Variants in EFNA5 observed in about 807,000 individuals in gnomAD.
The protein encoded by EFNA5 is ephrin A5.
A neutral mutation model predicts 22.9 loss-of-function variants in EFNA5; 5 were observed. The ratio of observed to expected loss-of-function variants is 0.22; its 90% CI spans 0.11 to 0.46. The LOEUF (loss-of-function observed/expected upper bound fraction) is 0.46, where lower values mean the gene tolerates loss of function less well. EFNA5 is among the 20% of genes least tolerant of loss of function. The pLI, the probability that EFNA5 is intolerant of heterozygous loss-of-function variation, is 0.99. For missense variants in EFNA5, 237 were observed against 293.3 expected (o/e 0.81, Z 1.40); for synonymous variants, 113 against 112.2 (o/e 1.01, Z -0.04).
At chr5:107,381,899 T>C (rs908830336) in intron 4 of EFNA5, among the ~76,000 whole-genome samples, 16 of 152,158 alleles carry the variant, frequency 1.1e-4, no homozygotes, top group Admixed American at 9.8e-4. Context: ...AAAAACTAAA[T>C]GCCAAAACAG....
Position 107,614,580 on chromosome 5 carries a change from C to T in EFNA5, c.125+55909G>A, listed in dbSNP as rs564389659. On this transcript the variant is annotated intron_variant, in intron 1 of 4. Transcript: ENST00000333274. ...TTCTGCCTAGTTTGAAGACAACACACACATACCATCTTTGAGTACCTGCAA... is the reference window on the plus strand; with the variant it reads ...TTCTGCCTAGTTTGAAGACAACACATACATACCATCTTTGAGTACCTGCAA... Among the ~76,000 whole-genome samples, 3 of 152,260 alleles carry T rather than the reference C, an allele frequency of 2.0e-5. No homozygotes were observed. In the South Asian group the frequency reaches 6.2e-4, roughly 32 times the overall value.
In EFNA5 at chr5:107,661,812, T is replaced by A. The variant is rs143646541; in HGVS notation, c.125+8677A>T. 1.8e-3 allele frequency among the ~76,000 whole-genome samples: 270 copies of A among 152,246 alleles called. 3 individuals are homozygous for A. The highest frequency in any genetic ancestry group is 6.4e-3 in the African/African-American group (265 of 41,540). On this transcript the variant is annotated intron_variant, in intron 1 of 4. Transcript: ENST00000333274. ...ACTGACATCTACAAAATATAAAACA[T>A]CAAGTATCATGTCTGTCATCATCAC...
Position 107,482,826 on chromosome 5 carries a change from G to C in EFNA5, c.126-55317C>G, listed in dbSNP as rs56836465. ...TCTCTCTCTCTCTGTCTCTCTCTCT[G>C]TCTCTGTCTCTCTCTCTCTCTCTCT... On this transcript the variant is annotated intron_variant, in intron 1 of 4. Coordinates refer to ENST00000333274, the MANE Select transcript of EFNA5 (RefSeq NM_001962.3). Among the ~76,000 whole-genome samples the C allele has an allele frequency of 3.5e-3, 225 of 64,802 alleles. 1 individual carries two copies. Among genetic ancestry groups the C allele is most frequent in the Middle Eastern group, 8.6e-3 (1 of 116 alleles). The allele number at this position is 64,802 out of a possible 152,430, so 42.5% of individuals were successfully genotyped here.
intron 2 of EFNA5, among the ~76,000 whole-genome samples, chr5:107,403,674 A>G (rs527568230): frequency 6.6e-6 from 1 of 152,354 alleles, no homozygotes; most frequent in South Asian, 2.1e-4. Context: ...ACATAGCTTT[A>G]TATCTGCAAC....
chr5:107,520,288 G>A (rs897220436), intron 1 of EFNA5, among the ~76,000 whole-genome samples: 1 of 152,122 alleles, frequency 6.6e-6, no homozygotes, highest in Admixed American at 6.6e-5. Flanking sequence ...TAAAGGCAGT[G>A]AATCAATAAG....
intron 1 of EFNA5, among the ~76,000 whole-genome samples, chr5:107,634,279 G>A (rs139834154): frequency 1.3e-5 from 2 of 152,198 alleles, no homozygotes; most frequent in East Asian, 3.9e-4. Flanking sequence ...ACTTTGGAAG[G>A]CCAAGCTGGG....
chr5:107,446,524 C>G (rs1340163099), intron 1 of EFNA5, among the ~76,000 whole-genome samples: 1 of 151,986 alleles, frequency 6.6e-6, no homozygotes, highest in African/African-American at 2.4e-5. Context: ...CTGAGGCAGG[C>G]AGATCACGAG....
intron 2 of EFNA5, among the ~76,000 whole-genome samples, chr5:107,416,071 C>T (rs1414309010): frequency 6.6e-6 from 1 of 152,200 alleles, no homozygotes; most frequent in South Asian, 2.1e-4. Flanking sequence ...ATGCCTTCAT[C>T]ACAATTGAAA....
intron 1 of EFNA5, among the ~76,000 whole-genome samples, chr5:107,642,210 G>A (rs1455081504): frequency 6.6e-6 from 1 of 152,080 alleles, no homozygotes; most frequent in Non-Finnish European, 1.5e-5. Context: ...AGAGATTTTG[G>A]TCAAAGGACA....
intron 1 of EFNA5, among the ~76,000 whole-genome samples, chr5:107,627,929 T>C (rs946915569): frequency 4.6e-5 from 7 of 152,178 alleles, no homozygotes; most frequent in African/African-American, 1.2e-4. Context: ...TCAAAATACA[T>C]GTCATTACTC....
chr5:107,511,772 T>A (rs1747374505), intron 1 of EFNA5, among the ~76,000 whole-genome samples: 1 of 149,434 alleles, frequency 6.7e-6, no homozygotes, highest in South Asian at 2.1e-4. Context: ...ATAGTTCTTA[T>A]CTATCAATGC....
At chr5:107,463,666 C>A (rs1749895958) in intron 1 of EFNA5, among the ~76,000 whole-genome samples, 1 of 152,046 alleles carries the variant, frequency 6.6e-6, no homozygotes, top group Non-Finnish European at 1.5e-5. Flanking sequence ...ATTCAGGGCA[C>A]AAAATAATTA....
intron 1 of EFNA5, among the ~76,000 whole-genome samples, chr5:107,641,865 G>C (rs1330397042): frequency 6.6e-6 from 1 of 151,992 alleles, no homozygotes. Context: ...ATCAATGACT[G>C]TCCACCCAGA....
At chr5:107,494,297 G>A (rs1211883677) in intron 1 of EFNA5, among the ~76,000 whole-genome samples, 1 of 152,198 alleles carries the variant, frequency 6.6e-6, no homozygotes, top group African/African-American at 2.4e-5. Context: ...AGGGCCAGCT[G>A]GAGTTCCGGG....
intron 1 of EFNA5, among the ~76,000 whole-genome samples, chr5:107,660,293 T>C (rs1317673802): frequency 1.7e-5 from 2 of 117,064 alleles, no homozygotes; most frequent in African/African-American, 3.4e-5. Context: ...TATATATATA[T>C]ATATATATAT....
At chr5:107,517,338 G>A (rs1311214963) in intron 1 of EFNA5, among the ~76,000 whole-genome samples, 1 of 152,296 alleles carries the variant, frequency 6.6e-6, no homozygotes, top group South Asian at 2.1e-4. Flanking sequence ...GGTTACAGGT[G>A]TGTTGAAGCA....
chr5:107,472,002 T>A (rs1321594219), intron 1 of EFNA5, among the ~76,000 whole-genome samples: 2 of 152,224 alleles, frequency 1.3e-5, no homozygotes, highest in African/African-American at 4.8e-5. Context: ...AGAGTGCAAA[T>A]AGCCTTAAGT....
chr5:107,669,240 G>A (rs1002671110), intron 1 of EFNA5, among the ~76,000 whole-genome samples: 3 of 151,410 alleles, frequency 2.0e-5, no homozygotes, highest in Admixed American at 6.6e-5. Flanking sequence ...CTCTCTCCTG[G>A]AGCCCGGGGC....
At chr5:107,459,954 A>T (rs1172544117) in intron 1 of EFNA5, among the ~76,000 whole-genome samples, 1 of 151,888 alleles carries the variant, frequency 6.6e-6, no homozygotes, top group African/African-American at 2.4e-5. Flanking sequence ...TCTCTCTTCC[A>T]CTCTGCACGC....
Sources: allele counts gnomAD v4.1 joint callset (sites outside exome capture counted in the v4.1 genomes callset), GRCh38; gene constraint gnomAD v4.1.1; transcripts MANE v1.5; gene names NCBI Gene and HGNC (gene_info 2026-07-23, HGNC 2026-07-21).